Variants in GOT2 observed in about 807,000 individuals in gnomAD.
GOT2 encodes glutamic-oxaloacetic transaminase 2, also known as aspartate aminotransferase, mitochondrial.
In GOT2, 17 loss-of-function variants were observed where a neutral mutation model predicts 50.0. The observed-to-expected ratio is 0.34, with a 90% CI of 0.23 to 0.51. The LOEUF (loss-of-function observed/expected upper bound fraction) is 0.51. Ranked by LOEUF, GOT2 falls within the 20% of genes least tolerant of loss-of-function variation. The probability of loss-of-function intolerance (pLI) is 0.97; values close to 1 mark genes in which losing one functional copy is unlikely to be tolerated. For missense variants in GOT2, 430 were observed against 559.6 expected, an observed-to-expected ratio of 0.77 and a Z score of 2.34; for synonymous variants, 172 against 204.9, an observed-to-expected ratio of 0.84 and a Z score of 1.37.
chr16:58,715,180 C>G (rs1384809978), intron 8 of GOT2, among the ~76,000 whole-genome samples: 1 of 152,048 alleles, frequency 6.6e-6, no homozygotes, highest in Non-Finnish European at 1.5e-5. Flanking sequence ...GACCCTGTCT[C>G]TACAATAAAA....
intron 1 of GOT2, among the ~76,000 whole-genome samples, chr16:58,725,893 A>G (rs1418472456): frequency 2.0e-5 from 3 of 152,252 alleles, no homozygotes; most frequent in African/African-American, 7.2e-5. Context: ...TATTGGTCTA[A>G]AGCAGCAATT....
At chr16:58,718,012 T>C (rs115129730) in intron 6 of GOT2, among the ~76,000 whole-genome samples, 184 bp downstream of exon 6, 3 of 152,226 alleles carry the variant, frequency 2.0e-5, no homozygotes, top group Admixed American at 1.3e-4. Context: ...CAAATACTCA[T>C]GCGTCATCAA....
rs2044613187 is a variant in GOT2 at position 58,707,487 on chromosome 16, T to C, written c.*684A>G. ...CAGCATCAGCAGAAAATTATGTTCT[T>C]CATTCTTAAATAAATCTCGATAGGA... On this transcript the variant is annotated 3_prime_UTR_variant, in exon 10 of 10. Coordinates refer to ENST00000245206, the MANE Select transcript of GOT2 (RefSeq NM_002080.4). 1 of 152,178 alleles carries C rather than the reference T, an allele frequency of 6.6e-6. No homozygotes were observed. The highest frequency in any genetic ancestry group is 1.5e-5 in the Non-Finnish European group (1 of 68,040). The allele number at this position is 152,178 out of a possible 1,614,324, so 9.4% of individuals were successfully genotyped here. A position where few individuals can be genotyped will look rare whatever the true frequency, so the allele number is the denominator to read the frequency against.
intron 9 of GOT2, chr16:58,709,147 A>G (rs765104198): frequency 7.8e-5 from 22 of 280,976 alleles, no homozygotes; most frequent in Non-Finnish European, 1.4e-4. Flanking sequence ...TTCTAGTCCC[A>G]GCTGCTCGGG....
At chr16:58,731,650 C>T (rs60175435) in intron 1 of GOT2, among the ~76,000 whole-genome samples, 6,311 of 152,214 alleles carry the variant, frequency 0.041, 386 homozygotes, top group East Asian at 0.29. Context: ...TATACATTTA[C>T]AGTACAAGTC....
intron 1 of GOT2, among the ~76,000 whole-genome samples, chr16:58,731,137 T>C (rs1216118227): frequency 6.6e-6 from 1 of 152,124 alleles, no homozygotes; most frequent in Non-Finnish European, 1.5e-5. Context: ...AGCACAGCTG[T>C]GATCTTTTTT....
At chr16:58,708,723 A>G (rs914389631) in intron 9 of GOT2, among the ~76,000 whole-genome samples, 4 of 152,214 alleles carry the variant, frequency 2.6e-5, no homozygotes, top group African/African-American at 7.2e-5. Context: ...CCAGGATTCA[A>G]TTATGAAACA....
At chr16:58,731,715 A>G (rs2044836237) in intron 1 of GOT2, among the ~76,000 whole-genome samples, 1 of 152,250 alleles carries the variant, frequency 6.6e-6, no homozygotes, top group Non-Finnish European at 1.5e-5. Flanking sequence ...TTGAACTTAC[A>G]AAGAGTTCCA....
intron 8 of GOT2, among the ~76,000 whole-genome samples, chr16:58,710,071 C>A (rs911208238): frequency 2.0e-5 from 3 of 152,134 alleles, no homozygotes; most frequent in African/African-American, 7.2e-5. Context: ...AATGAATTTT[C>A]TTTTAATGTA....
Position 58,718,306 on chromosome 16 carries a change from G to A in GOT2, c.598-6C>T, listed in dbSNP as rs751168812. ...ACACTCTGCTCTGGTATTTTCTAAAGAGAAAAACAGCCAAGAGACGACTTT... is the reference window on the plus strand; with the variant it reads ...ACACTCTGCTCTGGTATTTTCTAAAAAGAAAAACAGCCAAGAGACGACTTT... On this transcript the variant is annotated splice_polypyrimidine_tract_variant and splice_region_variant and intron_variant, in intron 5 of 9. Coordinates refer to ENST00000245206, the MANE Select transcript of GOT2 (RefSeq NM_002080.4). 6.2e-7 allele frequency: 1 copy of A among 1,606,446 alleles called. No individual in the cohort carries two copies. The highest frequency in any genetic ancestry group is 1.7e-5 in the Admixed American group (1 of 59,968).
rs1405828101 is a variant in GOT2, at chr16:58,730,094, G to A, written c.89+4046C>T. ...TTATTCTTAGCCAGAGAGAGAGGAAGGGGTTGCCTAGCTAGGGAACACTGA... is the reference window on the plus strand; with the variant it reads ...TTATTCTTAGCCAGAGAGAGAGGAAAGGGTTGCCTAGCTAGGGAACACTGA... On this transcript the variant is annotated intron_variant, in intron 1 of 9. Transcript: ENST00000245206. Among the ~76,000 whole-genome samples, 5 of 152,170 alleles carry A rather than the reference G, an allele frequency of 3.3e-5. No homozygotes were observed. The East Asian group carries it at 9.6e-4, about 29-fold the overall frequency.
chr16:58,709,532 A>G lies in GOT2; in HGVS notation c.1055T>C (p.Ile352Thr). 5 of 1,612,670 alleles carry G rather than the reference A, an allele frequency of 3.1e-6. No homozygotes were observed. Among genetic ancestry groups the G allele is most frequent in the South Asian group, 1.1e-5 (1 of 91,036 alleles). The change falls in exon 9 of 10, where the codon ATT becomes ACT. Residue 352 changes from isoleucine (I) to threonine (T), a missense_variant. Physicochemically the swap from Ile to Thr is moderately conservative, Grantham distance 89. Coordinates refer to ENST00000245206, the MANE Select transcript of GOT2 (RefSeq NM_002080.4). ...GGAGACCAGTTGAGTCCGCATGCCA[A>G]TGATGCGGTCAGCCATGACTTTCAC... ...QEVKVMADRI[I>T]GMRTQLVSNL...
chr16:58,709,256 G>A (rs560690680), intron 9 of GOT2, 161 bp downstream of exon 9: 11 of 682,788 alleles, frequency 1.6e-5, no homozygotes, highest in East Asian at 1.4e-4. Context: ...GAGCGAGACT[G>A]TCTCAAAACA....
At chr16:58,712,863 A>C (rs2044660742) in intron 8 of GOT2, among the ~76,000 whole-genome samples, 2 of 152,340 alleles carry the variant, frequency 1.3e-5, no homozygotes, top group South Asian at 4.1e-4. Context: ...TAATCCCAGT[A>C]CTTTGGGAGG....
chr16:58,707,895 T>C lies in GOT2; in HGVS notation c.*276A>G. ...ATAATTGACAGGTTTTTTGGTGCGA[T>C]GACTTTCTTGCACATGTAAACTCTT... On this transcript the variant is annotated 3_prime_UTR_variant, in exon 10 of 10. Transcript: ENST00000245206. The C allele has an allele frequency of 3.8e-6, 1 of 261,574 alleles. No individual in the cohort carries two copies. The highest frequency in any genetic ancestry group is 7.3e-6 in the Non-Finnish European group (1 of 137,828). 16.2% of individuals were successfully genotyped at this position (261,574 alleles called of 1,614,324 possible).
chr16:58,714,826 G>A (rs1244664433), intron 8 of GOT2, among the ~76,000 whole-genome samples: 1 of 152,018 alleles, frequency 6.6e-6, no homozygotes, highest in Non-Finnish European at 1.5e-5. Flanking sequence ...ATATGTTCAA[G>A]GTCATGATGT....
chr16:58,714,521 C>T (rs1456403001), intron 8 of GOT2, among the ~76,000 whole-genome samples: 1 of 148,944 alleles, frequency 6.7e-6, no homozygotes, highest in Non-Finnish European at 1.5e-5. Flanking sequence ...CACTGCACTC[C>T]AGCCTGGGCG....
chr16:58,723,330 C>A (rs1246053428), intron 2 of GOT2, among the ~76,000 whole-genome samples: 1 of 151,998 alleles, frequency 6.6e-6, no homozygotes, highest in Non-Finnish European at 1.5e-5. Flanking sequence ...ACAGAGCATG[C>A]CTGTGTACAA....
chr16:58,726,754 C>T (rs9923914), intron 1 of GOT2, among the ~76,000 whole-genome samples: 8,733 of 151,720 alleles, frequency 0.058, 556 homozygotes, highest in African/African-American at 0.16. Flanking sequence ...TCCCAAAATG[C>T]TAGGATTACA....
Sources: allele counts gnomAD v4.1 joint callset (sites outside exome capture counted in the v4.1 genomes callset), GRCh38; gene constraint gnomAD v4.1.1; transcripts MANE v1.5; gene names NCBI Gene and HGNC (gene_info 2026-07-23, HGNC 2026-07-21).